Variants in WDR12 observed in about 807,000 individuals in gnomAD.
WDR12 encodes the protein ribosome biogenesis protein WDR12.
A neutral mutation model predicts 64.3 loss-of-function variants in WDR12; 42 were observed. That is an observed-to-expected ratio of 0.65 (90% CI 0.51 to 0.84). The LOEUF is 0.84. Ranked by LOEUF, WDR12 falls within the 40% of genes least tolerant of loss-of-function variation. The probability of loss-of-function intolerance (pLI) is 0.00; values close to 1 mark genes in which losing one functional copy is unlikely to be tolerated. For missense variants in WDR12, 469 were observed against 494.6 expected, an observed-to-expected ratio of 0.95 and a Z score of 0.49; for synonymous variants, 158 against 173.3, an observed-to-expected ratio of 0.91 and a Z score of 0.70.
intron 4 of WDR12, 71 bp from the exon 5 acceptor site, chr2:202,897,486 T>C: frequency 1.3e-6 from 1 of 792,256 alleles, no homozygotes; most frequent in Non-Finnish European, 2.0e-6. Flanking sequence ...TCTTTGGCAA[T>C]GACAAAGTAA....
chr2:202,910,477 C>T (rs1243947647), intron 1 of WDR12, among the ~76,000 whole-genome samples: 1 of 152,090 alleles, frequency 6.6e-6, no homozygotes, highest in South Asian at 2.1e-4. Context: ...GAGCCAAGAT[C>T]CCACCACTGC....
At chr2:202,894,867 C>CT in intron 6 of WDR12, 1 of 372,828 alleles carries the variant, frequency 2.7e-6, no homozygotes, top group Admixed American at 4.8e-5. Flanking sequence ...ATAAAGTCAA[C>CT]TTGAGGGACA....
At chr2:202,885,519 T>C (rs926958423) in intron 8 of WDR12, among the ~76,000 whole-genome samples, 6 of 152,216 alleles carry the variant, frequency 3.9e-5, no homozygotes, top group Non-Finnish European at 4.4e-5. Context: ...CAGACAGATA[T>C]AGGTTTCAGC....
intron 2 of WDR12, among the ~76,000 whole-genome samples, chr2:202,906,520 A>G (rs1227326868): frequency 6.6e-6 from 1 of 152,232 alleles, no homozygotes; most frequent in Non-Finnish European, 1.5e-5. Context: ...TCCTCCAACT[A>G]CGGTAGAGTC....
chr2:202,886,269 C>A (rs1413895225), intron 8 of WDR12, among the ~76,000 whole-genome samples: 2 of 150,560 alleles, frequency 1.3e-5, no homozygotes, highest in Non-Finnish European at 2.9e-5. Flanking sequence ...CCAGCCTGGG[C>A]AACATGCTGA....
Position 202,896,142 on chromosome 2 carries a change from T to G in WDR12, c.532A>C (p.Lys178Gln), listed in dbSNP as rs1688237941. ...LLWEWNVERN[K>Q]VKALHCCRGH... is the part of the protein sequence containing the mutation. ...CTACAGCAGTGTAGGGCTTTCACTT[T>G]GTTTCTCTCTACATTCCACTCCCAT... is the stretch of plus-strand genomic sequence containing the variant. The change falls in exon 6 of 13, where the codon AAA (lysine) becomes CAA (glutamine). Residue 178 changes from lysine to glutamine, a missense_variant. Physicochemically the swap from Lys to Gln is moderately conservative, Grantham distance 53. Coordinates refer to ENST00000261015, the MANE Select transcript of WDR12 (RefSeq NM_018256.4). 6.2e-7 allele frequency: 1 copy of G among 1,614,128 alleles called. No individual in the cohort carries two copies. Among genetic ancestry groups the G allele is most frequent in the Non-Finnish European group, 8.5e-7 (1 of 1,180,012 alleles).
intron 2 of WDR12, among the ~76,000 whole-genome samples, chr2:202,904,121 A>G (rs1423779045): frequency 6.9e-6 from 1 of 144,866 alleles, no homozygotes; most frequent in East Asian, 2.0e-4. Context: ...CTGGGCAACA[A>G]GAGTGAAACT....
Position 202,883,661 on chromosome 2 carries a change from G to A in WDR12, c.1069C>T (p.Gln357Ter). The change falls in exon 11 of 13, where the codon CAG becomes TAG. Residue 357 changes from glutamine (Q) to a stop codon, truncating the protein, a stop_gained. Coordinates refer to ENST00000261015, the MANE Select transcript of WDR12 (RefSeq NM_018256.4). LOFTEE classifies it high-confidence loss of function. ...TTATCTAAAGATCCTGAAATCAGCT[G>A]CTGTTCATGGGTAGGAGACCATTTT... Reference protein sequence around the residue: ...SVKWSPTHEQQLISGSLDNIV... With the variant: ...SVKWSPTHEQ The A allele has an allele frequency of 6.2e-7, 1 of 1,614,056 alleles. No homozygotes were observed. The highest frequency in any genetic ancestry group is 8.5e-7 in the Non-Finnish European group (1 of 1,179,988).
At chr2:202,898,077 CCA>C (rs1491462570) in intron 4 of WDR12, among the ~76,000 whole-genome samples, 7 of 28,212 alleles carry the variant, frequency 2.5e-4, no homozygotes, top group South Asian at 4.0e-3. Context: ...AAAACCACCC[CCA>C]CCCAAAAAAA....
intron 12 of WDR12, among the ~76,000 whole-genome samples, chr2:202,882,386 T>A (rs771245709): frequency 2.6e-5 from 4 of 152,126 alleles, no homozygotes; most frequent in Non-Finnish European, 5.9e-5. Context: ...TGGAGTGCAG[T>A]GGCTCGATCT....
chr2:202,881,334 G>A (rs1205758602), intron 12 of WDR12, among the ~76,000 whole-genome samples: 1 of 152,208 alleles, frequency 6.6e-6, no homozygotes, highest in Non-Finnish European at 1.5e-5. Context: ...TTCTTAGGCA[G>A]TAAGAGCTTA....
rs572668657 is a variant in WDR12, at chr2:202,905,883, G to A, written c.136+1982C>T. 1.2e-4 allele frequency among the ~76,000 whole-genome samples: 19 copies of A among 152,312 alleles called. No homozygotes were observed. The South Asian group carries it at 3.9e-3, about 32-fold the overall frequency. On this transcript the variant is annotated intron_variant, in intron 2 of 12. Transcript: ENST00000261015. ...TACCAGACACTGAGAAGGGTAGTGG[G>A]GGAAGTGAGAGGCAAGTGGAAATGG...
At position 202,897,206 on chromosome 2, in the gene WDR12, T is replaced by C. The variant is rs1346199101; in HGVS notation, c.454+94A>G. 5 of 769,766 alleles carry C rather than the reference T, an allele frequency of 6.5e-6. No homozygotes were observed. In the African/African-American group the frequency reaches 9.1e-5, roughly 14 times the overall value. The allele number at this position is 769,766 out of a possible 1,614,324, so 47.7% of individuals were successfully genotyped here. A position where few individuals can be genotyped will look rare whatever the true frequency, so the allele number is the denominator to read the frequency against. Reference sequence around the variant, plus strand: ...CATAATAACTGAGGTATGAGATACTTCCCACCCACTCCCCATTCTTCCCCA... The same window carrying C: ...CATAATAACTGAGGTATGAGATACTCCCCACCCACTCCCCATTCTTCCCCA... On this transcript the variant is annotated intron_variant, in intron 5 of 12. Coordinates refer to ENST00000261015, the MANE Select transcript of WDR12 (RefSeq NM_018256.4).
intron 8 of WDR12, among the ~76,000 whole-genome samples, 178 bp downstream of exon 8, chr2:202,892,439 T>C (rs1324326227): frequency 6.6e-6 from 1 of 152,186 alleles, no homozygotes; most frequent in Non-Finnish European, 1.5e-5. Flanking sequence ...CAAATAAATG[T>C]AGCAACAATA....
intron 9 of WDR12, 45 bp from the exon 10 acceptor site, chr2:202,884,348 C>T: frequency 6.2e-7 from 1 of 1,613,402 alleles, no homozygotes; most frequent in East Asian, 2.2e-5. Flanking sequence ...AGACTAAAAA[C>T]CATCTCTAGA....
rs533297572 is a variant in WDR12, at chr2:202,908,150, A to G, written c.42-191T>C. The stretch of plus-strand genomic sequence containing the variant: ...TGAGGTTGAAGTTTAGTAATCAAAT[A>G]GAATGAAGTTATATAAGAACAATGC... On this transcript the variant is annotated intron_variant, in intron 1 of 12. Coordinates refer to ENST00000261015, the MANE Select transcript of WDR12 (RefSeq NM_018256.4). Among the ~76,000 whole-genome samples the G allele has an allele frequency of 1.8e-4, 28 of 152,346 alleles. 1 individual carries two copies. The South Asian group carries it at 5.8e-3, about 32-fold the overall frequency.
Position 202,896,069 on chromosome 2 carries a change from G to C in WDR12, c.605C>G (p.Thr202Ser). The C allele has an allele frequency of 6.2e-7, 1 of 1,610,724 alleles. No individual in the cohort carries two copies. Among genetic ancestry groups the C allele is most frequent in the Non-Finnish European group, 8.5e-7 (1 of 1,179,132 alleles). Residue 202 changes from threonine to serine, a missense_variant, in exon 6 of 13, where the codon ACT becomes AGT. Physicochemically the swap from Thr to Ser is moderately conservative, Grantham distance 58. Transcript: ENST00000261015. ...VDSIAVDGSG[T>S]KFCSGSWDKM... ...AATAATATTCTAGCTACTTACTTTA[G>C]TTCCTGAGCCATCAACAGCTATAGA...
At chr2:202,908,022 C>T (rs1035506425) in intron 1 of WDR12, 63 bp from the exon 2 acceptor site, 61 of 1,429,308 alleles carry the variant, frequency 4.3e-5, no homozygotes, top group African/African-American at 1.1e-4. Flanking sequence ...CATGCTTTTA[C>T]GAATTCAACA....
At chr2:202,894,660 G>A (rs750545711) in intron 6 of WDR12, 34 bp from the exon 7 acceptor site, 2 of 1,553,344 alleles carry the variant, frequency 1.3e-6, no homozygotes, top group East Asian at 2.3e-5. Flanking sequence ...AAAGACATAT[G>A]TAATATGATT....
Sources: gnomAD v4.1 joint callset for allele counts (sites outside exome capture counted in the v4.1 genomes callset) on GRCh38, gnomAD v4.1.1 for gene constraint, MANE v1.5 for transcripts, NCBI Gene and HGNC (gene_info 2026-07-23, HGNC 2026-07-21) for gene names.